The following TLE2 variants were observed in gnomAD, a reference collection of about 807,000 sequenced individuals.
TLE2 encodes TLE family member 2, transcriptional corepressor, also known as transducin-like enhancer protein 2.
In TLE2, 74 loss-of-function variants were observed where a neutral mutation model predicts 97.2. The observed-to-expected ratio is 0.76, with a 90% CI of 0.63 to 0.92. The LOEUF is 0.92. Ranked by LOEUF, TLE2 falls within the 40% of genes least tolerant of loss-of-function variation. The probability of loss-of-function intolerance (pLI) is 0.00; values close to 1 mark genes in which losing one functional copy is unlikely to be tolerated. For missense variants in TLE2, 1,038 were observed against 1,008.7 expected, an observed-to-expected ratio of 1.03 and a Z score of -0.39; for synonymous variants, 499 against 432.1, an observed-to-expected ratio of 1.15 and a Z score of -1.92.
chr19:3,019,916 C>T lies in TLE2; in HGVS notation c.295-143G>A. On this transcript the variant is annotated intron_variant, in intron 5 of 19. Coordinates refer to ENST00000262953, the MANE Select transcript of TLE2 (RefSeq NM_003260.5). The surrounding 1 kb of genome is among the most constrained non-coding windows in gnomAD (Gnocchi z 5.1). Reference sequence around the variant, plus strand: ...TTCTCTTTTATCTTTTTCCCTCTCACTCTCTCCCTTTCCTTTTGGAATTTT... The same window carrying T: ...TTCTCTTTTATCTTTTTCCCTCTCATTCTCTCCCTTTCCTTTTGGAATTTT... 8.7e-7 allele frequency: 1 copy of T among 1,144,672 alleles called. No homozygotes were observed. Among genetic ancestry groups the T allele is most frequent in the South Asian group, 1.5e-5 (1 of 64,666 alleles). 70.9% of individuals were successfully genotyped at this position (1,144,672 alleles called of 1,614,324 possible). A position where few individuals can be genotyped will look rare whatever the true frequency, so the allele number is the denominator to read the frequency against.
intron 11 of TLE2, among the ~76,000 whole-genome samples, chr19:3,011,480 C>T (rs1248252922): frequency 1.3e-5 from 2 of 148,992 alleles, no homozygotes; most frequent in Admixed American, 6.8e-5. Flanking sequence ...TGCAGTGAGC[C>T]GAGATCACGC....
At chr19:3,009,391 C>A (rs1486456842) in intron 13 of TLE2, 151 bp downstream of exon 13, 6 of 936,532 alleles carry the variant, frequency 6.4e-6, no homozygotes, top group Non-Finnish European at 9.0e-6. Context: ...CTACTGAGAC[C>A]CCCAGATTGT....
chr19:3,019,681 G>C lies in TLE2; in HGVS notation c.369+18C>G, dbSNP rs539018650. On this transcript the variant is annotated intron_variant, in intron 6 of 19. Transcript: ENST00000262953. This position sits in a 1 kb window ranked among gnomAD's most constrained non-coding sequence, Gnocchi z 5.1. ...GTGGGCGTCTCCCCATGGCGGGGCA[G>C]GGGCTAGAGAGACTCACCCCGATGA... 6.9e-5 allele frequency: 110 copies of C among 1,602,532 alleles called. 2 individuals carry two copies. The South Asian group carries it at 1.2e-3, about 17-fold the overall frequency.
chr19:3,030,152 A>G (rs2090011513), upstream of TLE2, among the ~76,000 whole-genome samples: 2 of 152,186 alleles, frequency 1.3e-5, no homozygotes, highest in Non-Finnish European at 2.9e-5. Flanking sequence ...CTCCCTACAC[A>G]GAGCAAACTT....
At chr19:3,022,519 ACT>A (rs1233905856) in intron 5 of TLE2, among the ~76,000 whole-genome samples, 1 of 151,016 alleles carries the variant, frequency 6.6e-6, no homozygotes, top group East Asian at 2.0e-4. Context: ...ACAGAGCAAG[ACT>A]CTGTCTCAAA....
In TLE2 at chr19:3,028,911, G is replaced by T. The variant is rs961770522; in HGVS notation, c.-7C>A. The T allele has an allele frequency of 4.3e-6, 7 of 1,609,948 alleles. No individual in the cohort carries two copies. Among genetic ancestry groups the T allele is most frequent in the Non-Finnish European group, 5.9e-6 (7 of 1,179,380 alleles). The stretch of plus-strand genomic sequence containing the variant: ...GCCTTCCCTGGGGGTACATCCTGCC[G>T]ATCCGAAAAGCCCCCCAGGCGCCAC... On this transcript the variant is annotated 5_prime_UTR_variant, in exon 1 of 20. Transcript: ENST00000262953.
At chr19:3,010,981 G>A (rs761147526) in intron 12 of TLE2, 41 bp downstream of exon 12, 6 of 1,580,578 alleles carry the variant, frequency 3.8e-6, no homozygotes, top group East Asian at 2.3e-5. Context: ...CCCCAGAGAC[G>A]AGGCCTGCTC....
intron 11 of TLE2, among the ~76,000 whole-genome samples, chr19:3,012,369 C>T: frequency 6.6e-6 from 1 of 152,196 alleles, no homozygotes; most frequent in East Asian, 1.9e-4. Flanking sequence ...GCACACGACT[C>T]CATGCCCGGC....
intron 19 of TLE2, 89 bp from the exon 20 acceptor site, chr19:2,998,044 C>T (rs1050260073): frequency 1.0e-5 from 9 of 902,366 alleles, no homozygotes; most frequent in South Asian, 2.8e-5. Flanking sequence ...GAGTCAGGAA[C>T]GGGAGGTCAG....
At chr19:3,017,560 C>T (rs2089738766) in intron 8 of TLE2, among the ~76,000 whole-genome samples, 1 of 151,496 alleles carries the variant, frequency 6.6e-6, no homozygotes, top group Non-Finnish European at 1.5e-5. Context: ...AAGTGATCCT[C>T]CCACCTCAGG....
At chr19:3,017,219 CCT>C (rs1182423950) in intron 8 of TLE2, among the ~76,000 whole-genome samples, 4 of 140,938 alleles carry the variant, frequency 2.8e-5, no homozygotes, top group Non-Finnish European at 4.5e-5. Flanking sequence ...CTCACTGCAA[CCT>C]CTGTCTCCCA....
Position 3,009,528 on chromosome 19 carries a change from A to T in TLE2, c.1173+14T>A, listed in dbSNP as rs1399325527. 6.4e-7 allele frequency: 1 copy of T among 1,568,978 alleles called. No homozygotes were observed. Among genetic ancestry groups the T allele is most frequent in the East Asian group, 2.3e-5 (1 of 43,352 alleles). On this transcript the variant is annotated intron_variant, in intron 13 of 19. Coordinates refer to ENST00000262953, the MANE Select transcript of TLE2 (RefSeq NM_003260.5). Reference sequence around the variant, plus strand: ...CCCTGCTGACACCTCCTGCGCCCCCACCCAAGGACTCACCACGGGGGAGCG... The same window carrying T: ...CCCTGCTGACACCTCCTGCGCCCCCTCCCAAGGACTCACCACGGGGGAGCG...
intron 5 of TLE2, among the ~76,000 whole-genome samples, chr19:3,021,400 T>C (rs2089841460): frequency 6.6e-6 from 1 of 150,956 alleles, no homozygotes; most frequent in Non-Finnish European, 1.5e-5. Flanking sequence ...CGAGACTCAG[T>C]CTCAAAAAAA....
intron 1 of TLE2, among the ~76,000 whole-genome samples, chr19:3,039,641 C>G (rs1308512374): frequency 6.6e-6 from 1 of 152,148 alleles, no homozygotes; most frequent in Non-Finnish European, 1.5e-5. Flanking sequence ...CCTGTGTGTA[C>G]GGTCTGCCCA....
At chr19:3,021,115 G>A (rs12610765) in intron 5 of TLE2, among the ~76,000 whole-genome samples, 4,133 of 30,634 alleles carry the variant, frequency 0.13, 413 homozygotes, top group Non-Finnish European at 0.16. Flanking sequence ...AAAAAAAAAA[G>A]GGGGGGGGGT....
chr19:3,000,007 T>C (rs1367873106), intron 19 of TLE2, among the ~76,000 whole-genome samples: 8 of 150,116 alleles, frequency 5.3e-5, no homozygotes, highest in Admixed American at 3.3e-4. Context: ...CACTCCAGCC[T>C]GGGAGACAGA....
At chr19:3,014,702 C>T in intron 9 of TLE2, 88 bp from the exon 10 acceptor site, 2 of 1,262,158 alleles carry the variant, frequency 1.6e-6, no homozygotes, top group Non-Finnish European at 2.1e-6. Context: ...GAGGCATGAG[C>T]CCAGCCAGCC....
intron 1 of TLE2, among the ~76,000 whole-genome samples, chr19:3,043,641 TACA>T: frequency 2.5e-5 from 2 of 81,622 alleles, no homozygotes; most frequent in African/African-American, 5.4e-5. Flanking sequence ...CTACTAAAAA[TACA>T]AAAAAAAAAA....
In TLE2 at chr19:3,037,919, C is replaced by A. The variant is rs568933811; in HGVS notation, c.63+7807G>T. Among the ~76,000 whole-genome samples the A allele has an allele frequency of 6.6e-5, 10 of 152,164 alleles. No homozygotes were observed. In the South Asian group the frequency reaches 1.7e-3, roughly 25 times the overall value. ...GGTGGATCACCTGAGGTCAGGAGTT[C>A]GACACCAGCCTGGTCAACGTGGGGA... is the stretch of plus-strand genomic sequence containing the variant. On this transcript the variant is annotated intron_variant, in intron 1 of 18. Coordinates refer to the TLE2 transcript ENST00000426948.
Sources: gnomAD v4.1 joint callset for allele counts (sites outside exome capture counted in the v4.1 genomes callset) on GRCh38, gnomAD v4.1.1 for gene constraint, Gnocchi (gnomAD v3.1) non-coding constraint, MANE v1.5 for transcripts, NCBI Gene and HGNC (gene_info 2026-07-23, HGNC 2026-07-21) for gene names.